The following STK3 variants were observed in gnomAD, a reference collection of about 807,000 sequenced individuals.
STK3 encodes serine/threonine kinase 3.
STK3 carries 41 observed loss-of-function variants against 58.0 expected under a neutral mutation model. The ratio of observed to expected loss-of-function variants is 0.71; its 90% confidence interval spans 0.55 to 0.92. STK3 has a LOEUF of 0.92. Among genes scored for constraint, STK3 ranks in the 40% least tolerant of loss-of-function variants. The pLI is 0.00. For missense variants in STK3, 479 were observed against 602.7 expected, an observed-to-expected ratio of 0.79 and a Z score of 2.15; for synonymous variants, 170 against 191.0, an observed-to-expected ratio of 0.89 and a Z score of 0.91.
intron 10 of STK3, among the ~76,000 whole-genome samples, chr8:98,481,093 G>T (rs1386830593): frequency 6.6e-6 from 1 of 151,876 alleles, no homozygotes; most frequent in Non-Finnish European, 1.5e-5. Context: ...GATATTAACT[G>T]TATCTTTTGA....
intron 1 of STK3, chr8:98,904,576 C>T (rs1838814359): frequency 1.8e-6 from 1 of 554,564 alleles, no homozygotes; most frequent in Admixed American, 2.0e-5. Flanking sequence ...GTTCAGTCAG[C>T]AATTATTCTA....
chr8:98,804,502 A>G (rs747692973), intron 1 of STK3, among the ~76,000 whole-genome samples: 5 of 152,228 alleles, frequency 3.3e-5, no homozygotes, highest in Non-Finnish European at 7.3e-5. Flanking sequence ...GCTAGTAAAC[A>G]CCAAAGTGGA....
At chr8:98,617,996 CAG>C (rs1180831658) in intron 6 of STK3, among the ~76,000 whole-genome samples, 2 of 152,044 alleles carry the variant, frequency 1.3e-5, no homozygotes, top group Non-Finnish European at 2.9e-5. Context: ...CAAAGCCGGG[CAG>C]AGACACAACC....
chr8:98,463,078 T>A (rs983898849), intron 10 of STK3: 4 of 151,696 alleles, frequency 2.6e-5, no homozygotes, highest in Non-Finnish European at 5.9e-5. Flanking sequence ...ACAGAAAATC[T>A]TTATAAAGTG....
chr8:98,584,908 T>G (rs1448180842), intron 7 of STK3, among the ~76,000 whole-genome samples: 3 of 151,686 alleles, frequency 2.0e-5, no homozygotes, highest in Non-Finnish European at 4.4e-5. Context: ...TTTTGAGAAG[T>G]GTCTGTTCAT....
chr8:98,652,978 G>A (rs533226933), intron 6 of STK3, among the ~76,000 whole-genome samples: 132 of 152,182 alleles, frequency 8.7e-4, no homozygotes, highest in East Asian at 9.6e-4. Flanking sequence ...TGCACCAAGC[G>A]GAACTAATAG....
At chr8:98,451,414 C>A (rs541619713), downstream of STK3, among the ~76,000 whole-genome samples, 1 of 152,262 alleles carries the variant, frequency 6.6e-6, no homozygotes, top group Non-Finnish European at 1.5e-5. Context: ...TCATAAACGT[C>A]ACTTGAGGCC....
chr8:98,353,560 T>C, the STK3 span, among the ~76,000 whole-genome samples: 2 of 152,238 alleles, frequency 1.3e-5, no homozygotes, highest in Non-Finnish European at 2.9e-5. Context: ...TTGGGTCTTA[T>C]TCCCAAGATA....
chr8:98,824,377 A>G (rs1350118461), intron 1 of STK3, among the ~76,000 whole-genome samples: 1 of 152,234 alleles, frequency 6.6e-6, no homozygotes, highest in Non-Finnish European at 1.5e-5. Flanking sequence ...TAATCAATAG[A>G]GAGCTGCACT....
intron 2 of STK3, among the ~76,000 whole-genome samples, chr8:98,372,333 G>A (rs903007291): frequency 6.6e-6 from 1 of 152,078 alleles, no homozygotes; most frequent in Non-Finnish European, 1.5e-5. Context: ...GGCTCTTCAG[G>A]GCAGCCTCCA....
rs577924672 is a variant in STK3 at position 98,563,498 on chromosome 8, G to A, written c.949-15337C>T. On this transcript the variant is annotated intron_variant, in intron 8 of 10. Coordinates refer to ENST00000419617, the MANE Select transcript of STK3 (RefSeq NM_006281.4). The stretch of plus-strand genomic sequence containing the variant: ...ACACATATATCTCCTTGCCTCATAA[G>A]CTGAGAGGGCACAGAAGCAACAACA... 5.3e-5 allele frequency among the ~76,000 whole-genome samples: 8 copies of A among 152,156 alleles called. No homozygotes were observed. The South Asian group carries it at 1.7e-3, about 32-fold the overall frequency.
chr8:98,926,563 A>G (rs886311788), intron 1 of STK3, among the ~76,000 whole-genome samples: 7 of 152,312 alleles, frequency 4.6e-5, no homozygotes, highest in Admixed American at 1.3e-4. Context: ...ACATGCACAC[A>G]CACACACACA....
chr8:98,470,240 T>C (rs1820817369), intron 10 of STK3, among the ~76,000 whole-genome samples: 1 of 152,244 alleles, frequency 6.6e-6, no homozygotes, highest in African/African-American at 2.4e-5. Flanking sequence ...CATTTCTGGA[T>C]ACCCATGATT....
intron 3 of STK3, among the ~76,000 whole-genome samples, chr8:98,850,367 C>T (rs1836409639): frequency 6.6e-6 from 1 of 152,128 alleles, no homozygotes; most frequent in African/African-American, 2.4e-5. Context: ...GTCTCCTCTG[C>T]TCTGGGTATT....
chr8:98,859,378 G>A (rs1406742823), intron 3 of STK3, among the ~76,000 whole-genome samples: 4 of 152,162 alleles, frequency 2.6e-5, no homozygotes, highest in Admixed American at 1.3e-4. Context: ...TAGGCAAAGC[G>A]AAAACAGCAG....
At chr8:98,523,236 C>T (rs567482571) in intron 10 of STK3, among the ~76,000 whole-genome samples, 1 of 152,236 alleles carries the variant, frequency 6.6e-6, no homozygotes, top group East Asian at 1.9e-4. Context: ...TGATAATAGT[C>T]ATTTGAATGG....
At chr8:98,872,969 G>C (rs1023688987) in intron 3 of STK3, among the ~76,000 whole-genome samples, 1 of 151,964 alleles carries the variant, frequency 6.6e-6, no homozygotes, top group African/African-American at 2.4e-5. Flanking sequence ...TTCTCTTGTG[G>C]GTATTTAGTG....
upstream of STK3, among the ~76,000 whole-genome samples, chr8:98,391,059 T>C (rs1817844486): frequency 6.6e-6 from 1 of 152,252 alleles, no homozygotes; most frequent in Admixed American, 6.5e-5. Flanking sequence ...CTTTTTCCCA[T>C]GCAAGTTGAG....
At chr8:98,580,687 A>G (rs1438116147) in intron 7 of STK3, among the ~76,000 whole-genome samples, 2 of 152,184 alleles carry the variant, frequency 1.3e-5, no homozygotes, top group South Asian at 2.1e-4. Context: ...ATCATGGCTC[A>G]CTATAGTCTT....
Sources: allele counts gnomAD v4.1 joint callset (sites outside exome capture counted in the v4.1 genomes callset), GRCh38; gene constraint gnomAD v4.1.1; transcripts MANE v1.5; gene names NCBI Gene and HGNC (gene_info 2026-07-23, HGNC 2026-07-21).